The following TTBK2 variants were observed in gnomAD, a reference collection of about 807,000 sequenced individuals.
TTBK2 encodes the protein tau-tubulin kinase 2.
Under a neutral mutation model 110.8 loss-of-function variants are expected in TTBK2, and 28 were observed. The ratio of observed to expected loss-of-function variants is 0.25; its 90% confidence interval spans 0.19 to 0.35. The LOEUF is 0.35. Among genes scored for constraint, TTBK2 ranks in the 10% least tolerant of loss-of-function variants. The probability of loss-of-function intolerance (pLI) is 1.00; values close to 1 mark genes in which losing one functional copy is unlikely to be tolerated. For missense variants in TTBK2, 1,369 were observed against 1,500.3 expected (o/e 0.91, Z 1.45); for synonymous variants, 532 against 527.3 (o/e 1.01, Z -0.12).
chr15:42,797,482 G>A (rs938595096), intron 9 of TTBK2, among the ~76,000 whole-genome samples: 3 of 152,184 alleles, frequency 2.0e-5, no homozygotes, highest in East Asian at 1.9e-4. Context: ...GCACTTAAAG[G>A]CACCCTAGTG....
At chr15:42,746,829 A>C (rs2061800130) in intron 14 of TTBK2, among the ~76,000 whole-genome samples, 1 of 152,196 alleles carries the variant, frequency 6.6e-6, no homozygotes, top group Admixed American at 6.5e-5. Context: ...TCATTTAATA[A>C]TTTACAAGAG....
Position 42,820,343 on chromosome 15 carries a change from C to T in TTBK2, c.538-3246G>A, listed in dbSNP as rs976139298. On this transcript the variant is annotated intron_variant, in intron 6 of 14. Transcript: ENST00000267890. The stretch of plus-strand genomic sequence containing the variant: ...CACAATGAAATATAAACACTCGGGA[C>T]AGGTAAGGATTAGTTCCATGTAGTA... Among the ~76,000 whole-genome samples, 7 of 152,024 alleles carry T rather than the reference C, an allele frequency of 4.6e-5. No homozygotes were observed. The East Asian group carries it at 1.3e-3, about 29-fold the overall frequency.
chr15:42,740,936 T>C lies in TTBK2; in HGVS notation c.*4859A>G, dbSNP rs1595868505. On this transcript the variant is annotated 3_prime_UTR_variant, in exon 15 of 15. Transcript: ENST00000267890. ...TTTACTGTCATAATTCCAAGTTCAG[T>C]CAGGGATTTCTCAGAATTGAGGTGT... The C allele has an allele frequency of 6.6e-6, 1 of 152,330 alleles. No individual in the cohort carries two copies. Among genetic ancestry groups the C allele is most frequent in the East Asian group, 1.9e-4 (1 of 5,186 alleles). 9.4% of individuals were successfully genotyped at this position (152,330 alleles called of 1,614,324 possible). A position where few individuals can be genotyped will look rare whatever the true frequency, so the allele number is the denominator to read the frequency against.
rs1042309839 is a variant in TTBK2, at chr15:42,807,493, A to G, written c.822+3121T>C. On this transcript the variant is annotated intron_variant, in intron 9 of 14. Transcript: ENST00000267890. Reference sequence around the variant, plus strand: ...CAGTGGCACAATTATGGCTCACTGCAGCCTTGATTCACTCAAGTAACCCTC... The same window carrying G: ...CAGTGGCACAATTATGGCTCACTGCGGCCTTGATTCACTCAAGTAACCCTC... 4.6e-5 allele frequency among the ~76,000 whole-genome samples: 7 copies of G among 152,228 alleles called. No individual in the cohort carries two copies. The South Asian group carries it at 8.3e-4, about 18-fold the overall frequency.
chr15:42,914,372 A>G (rs1383338685), intron 1 of TTBK2, among the ~76,000 whole-genome samples: 2 of 152,194 alleles, frequency 1.3e-5, no homozygotes, highest in East Asian at 1.9e-4. Context: ...CATTTAATGA[A>G]TCACCGATAA....
At position 42,860,752 on chromosome 15, in the gene TTBK2, G is replaced by A. The variant is rs542149573; in HGVS notation, c.217+11859C>T. 6.3e-5 allele frequency among the ~76,000 whole-genome samples: 9 copies of A among 142,756 alleles called. No homozygotes were observed. The East Asian group carries it at 1.5e-3, about 24-fold the overall frequency. The allele number at this position is 142,756 out of a possible 152,430, so 93.7% of individuals were successfully genotyped here. On this transcript the variant is annotated intron_variant, in intron 3 of 14. Transcript: ENST00000267890. Reference sequence around the variant, plus strand: ...CGGATCTCAGCTCACTGCAACCTCCGCTTCCCAGGTTCAAGCGATTCTCCT... The same window carrying A: ...CGGATCTCAGCTCACTGCAACCTCCACTTCCCAGGTTCAAGCGATTCTCCT...
At chr15:42,780,768 C>T (rs1026032590) in intron 11 of TTBK2, among the ~76,000 whole-genome samples, 5 of 152,048 alleles carry the variant, frequency 3.3e-5, no homozygotes, top group Non-Finnish European at 4.4e-5. Context: ...GAGTTCGAGA[C>T]CATCCTGGCC....
intron 9 of TTBK2, among the ~76,000 whole-genome samples, chr15:42,796,326 C>G (rs944443275): frequency 6.6e-6 from 1 of 152,038 alleles, no homozygotes; most frequent in South Asian, 2.1e-4. Flanking sequence ...ATTGCTTGAG[C>G]CTGGCAGAGA....
At chr15:42,832,126 C>G (rs1892786721) in intron 4 of TTBK2, among the ~76,000 whole-genome samples, 1 of 152,108 alleles carries the variant, frequency 6.6e-6, no homozygotes, top group South Asian at 2.1e-4. Context: ...TTGTTCCCTG[C>G]ACCTGTAGCG....
Position 42,743,266 on chromosome 15 carries a change from C to T in TTBK2, c.*2529G>A, listed in dbSNP as rs145103085. 1 of 152,248 alleles carries T rather than the reference C, an allele frequency of 6.6e-6. No homozygotes were observed. The highest frequency in any genetic ancestry group is 2.4e-5 in the African/African-American group (1 of 41,558). The allele number at this position is 152,248 out of a possible 1,614,324, so 9.4% of individuals were successfully genotyped here. ...GCCATTTAGAAAAGGGGACAACACA[C>T]TAGAAAAGTTGAGATAAAAATGGAA... On this transcript the variant is annotated 3_prime_UTR_variant, in exon 15 of 15. Coordinates refer to ENST00000267890, the MANE Select transcript of TTBK2 (RefSeq NM_173500.4).
intron 1 of TTBK2, among the ~76,000 whole-genome samples, chr15:42,915,821 C>A (rs1231651989): frequency 6.6e-6 from 1 of 152,092 alleles, no homozygotes; most frequent in Non-Finnish European, 1.5e-5. Flanking sequence ...GTGGCACATG[C>A]CCGTAGTCCC....
intron 4 of TTBK2, among the ~76,000 whole-genome samples, chr15:42,838,077 G>A (rs767822993): frequency 2.0e-5 from 3 of 151,874 alleles, no homozygotes; most frequent in African/African-American, 7.3e-5. Context: ...GCGTGGTGGC[G>A]ACTACCTGTA....
rs1393219082 is a variant in TTBK2 at position 42,742,283 on chromosome 15, T to C, written c.*3512A>G. 2 of 152,212 alleles carry C rather than the reference T, an allele frequency of 1.3e-5. No homozygotes were observed. Among genetic ancestry groups the C allele is most frequent in the African/African-American group, 4.8e-5 (2 of 41,456 alleles). 9.4% of individuals were successfully genotyped at this position (152,212 alleles called of 1,614,324 possible). ...AAACATTCACATCACAACATGCAACTTAAAAAACAGTTAATGTAACTATGC... is the reference window on the plus strand; with the variant it reads ...AAACATTCACATCACAACATGCAACCTAAAAAACAGTTAATGTAACTATGC... On this transcript the variant is annotated 3_prime_UTR_variant, in exon 15 of 15. Coordinates refer to ENST00000267890, the MANE Select transcript of TTBK2 (RefSeq NM_173500.4).
chr15:42,800,723 T>A (rs535483363), intron 9 of TTBK2, among the ~76,000 whole-genome samples: 26 of 151,022 alleles, frequency 1.7e-4, no homozygotes, highest in African/African-American at 5.8e-4. Context: ...ATGCATACAG[T>A]CTTTTTTTTT....
intron 1 of TTBK2, among the ~76,000 whole-genome samples, chr15:42,905,001 A>C (rs1485812652): frequency 2.0e-5 from 3 of 151,894 alleles, no homozygotes; most frequent in Non-Finnish European, 4.4e-5. Context: ...CTTCCCAAGT[A>C]GCTGGGACTA....
chr15:42,911,947 G>A (rs2030778356), intron 1 of TTBK2, among the ~76,000 whole-genome samples: 1 of 139,214 alleles, frequency 7.2e-6, no homozygotes, highest in Non-Finnish European at 1.5e-5. Flanking sequence ...ACTAACGATA[G>A]CTGATGAGTT....
chr15:42,886,584 G>C (rs1286112562), intron 1 of TTBK2, among the ~76,000 whole-genome samples: 4 of 152,050 alleles, frequency 2.6e-5, no homozygotes, highest in Admixed American at 2.6e-4. Context: ...CCCGACATTA[G>C]AAAAACTCCA....
At chr15:42,773,062 G>T (rs1362964494) in intron 13 of TTBK2, among the ~76,000 whole-genome samples, 1 of 152,134 alleles carries the variant, frequency 6.6e-6, no homozygotes, top group Non-Finnish European at 1.5e-5. Context: ...AATTAGCTGG[G>T]TGTGGTGACT....
intron 4 of TTBK2, among the ~76,000 whole-genome samples, chr15:42,836,704 T>C (rs1351057204): frequency 6.6e-6 from 1 of 152,128 alleles, no homozygotes; most frequent in Non-Finnish European, 1.5e-5. Context: ...AATGAATATA[T>C]GCTAAGACTC....
Sources: allele counts gnomAD v4.1 joint callset (sites outside exome capture counted in the v4.1 genomes callset), GRCh38; gene constraint gnomAD v4.1.1; transcripts MANE v1.5; gene names NCBI Gene and HGNC (gene_info 2026-07-23, HGNC 2026-07-21).